The following GRIN2A variants were observed in gnomAD, a reference collection of about 807,000 sequenced individuals.
GRIN2A encodes the protein glutamate ionotropic receptor NMDA type subunit 2A.
Under a neutral mutation model 113.4 loss-of-function variants are expected in GRIN2A, and 22 were observed. That is an observed-to-expected ratio of 0.19 (90% CI 0.14 to 0.28). The LOEUF (loss-of-function observed/expected upper bound fraction) is 0.28, where lower values mean the gene tolerates loss of function less well. Ranked by LOEUF, GRIN2A falls within the 10% of genes least tolerant of loss-of-function variation. GRIN2A has a pLI of 1.00. For synonymous variants in GRIN2A, 827 were observed against 738.4 expected (o/e 1.12, Z -1.94); for missense variants, 1,502 against 1,887.0 (o/e 0.80, Z 3.78).
intron 2 of GRIN2A, among the ~76,000 whole-genome samples, chr16:10,123,476 A>T (rs2048871061): frequency 6.6e-6 from 1 of 152,172 alleles, no homozygotes; most frequent in African/African-American, 2.4e-5. Context: ...CAAGATACTG[A>T]AGTCGCACGT....
intron 4 of GRIN2A, among the ~76,000 whole-genome samples, chr16:9,883,639 C>T (rs543734961): frequency 6.0e-4 from 91 of 152,188 alleles, no homozygotes; most frequent in African/African-American, 2.0e-3. Context: ...TGTTGGGGTA[C>T]GGGCGAATAA....
chr16:9,759,101 G>C lies in GRIN2A; in HGVS notation c.*4048C>G, dbSNP rs1900473666. 4.6e-6 allele frequency: 1 copy of C among 218,352 alleles called. No homozygotes were observed. Among genetic ancestry groups the C allele is most frequent in the Non-Finnish European group, 9.2e-6 (1 of 108,900 alleles). The allele number at this position is 218,352 out of a possible 1,614,324, so 13.5% of individuals were successfully genotyped here. A position where few individuals can be genotyped will look rare whatever the true frequency, so the allele number is the denominator to read the frequency against. On this transcript the variant is annotated 3_prime_UTR_variant, in exon 13 of 13. Coordinates refer to ENST00000330684, the MANE Select transcript of GRIN2A (RefSeq NM_001134407.3). ...AGCTATGCACAAAGAAACAGTACAG[G>C]AATGTGCATAATGTTAACGAATATA... is the stretch of plus-strand genomic sequence containing the variant.
intron 12 of GRIN2A, among the ~76,000 whole-genome samples, chr16:9,765,731 A>G (rs751807604): frequency 7.9e-5 from 12 of 152,112 alleles, no homozygotes; most frequent in African/African-American, 1.9e-4. Context: ...AATCGACTCA[A>G]TCTATTCCTT....
intron 10 of GRIN2A, among the ~76,000 whole-genome samples, chr16:9,810,024 C>T (rs1407872451): frequency 2.0e-5 from 3 of 151,984 alleles, no homozygotes; most frequent in East Asian, 1.9e-4. Context: ...GCCGAGATCG[C>T]GCCGTTGCAC....
chr16:10,064,145 A>G (rs987513283), intron 2 of GRIN2A, among the ~76,000 whole-genome samples: 3 of 152,174 alleles, frequency 2.0e-5, no homozygotes, highest in African/African-American at 7.2e-5. Flanking sequence ...AATTGAACTG[A>G]CTTTGTTGGT....
intron 3 of GRIN2A, among the ~76,000 whole-genome samples, chr16:9,924,845 A>ATATC (rs2044426099): frequency 6.6e-6 from 1 of 152,142 alleles, no homozygotes; most frequent in South Asian, 2.1e-4. Flanking sequence ...TGTAGATTTT[A>ATATC]TATCTAGTAG....
intron 5 of GRIN2A, among the ~76,000 whole-genome samples, chr16:9,844,803 G>A (rs954602927): frequency 6.6e-6 from 1 of 152,158 alleles, no homozygotes; most frequent in South Asian, 2.1e-4. Flanking sequence ...TGACAGCATG[G>A]CCATTTCTCG....
intron 2 of GRIN2A, among the ~76,000 whole-genome samples, chr16:10,136,520 C>G (rs979477774): frequency 2.0e-5 from 3 of 152,092 alleles, no homozygotes; most frequent in Admixed American, 6.6e-5. Context: ...TGGTGTTAAA[C>G]AAGGACTAAA....
chr16:10,098,485 C>T (rs1443128696), intron 2 of GRIN2A, among the ~76,000 whole-genome samples: 1 of 152,126 alleles, frequency 6.6e-6, no homozygotes, highest in African/African-American at 2.4e-5. Flanking sequence ...GTCATTATAC[C>T]AAAAAGACAT....
At chr16:9,805,417 T>C (rs948756206) in intron 10 of GRIN2A, 2 of 152,214 alleles carry the variant, frequency 1.3e-5, no homozygotes, top group Non-Finnish European at 2.9e-5. Context: ...CACATGAGTG[T>C]GTGTGTGTGT....
intron 3 of GRIN2A, among the ~76,000 whole-genome samples, chr16:9,898,054 C>CT (rs71402414): frequency 0.31 from 33,907 of 109,642 alleles, 5,956 homozygotes; most frequent in East Asian, 0.63. Context: ...CCTCCATTTC[C>CT]TTTTTTTTTT....
At chr16:9,853,755 G>A (rs2042922760) in intron 4 of GRIN2A, among the ~76,000 whole-genome samples, 2 of 152,008 alleles carry the variant, frequency 1.3e-5, no homozygotes, top group Admixed American at 1.3e-4. Flanking sequence ...ATGTTCAAAT[G>A]TATTTAAGAG....
intron 3 of GRIN2A, among the ~76,000 whole-genome samples, chr16:9,905,721 T>G (rs1596565761): frequency 6.6e-6 from 1 of 152,124 alleles, no homozygotes; most frequent in African/African-American, 2.4e-5. Flanking sequence ...TCAGAACACT[T>G]ATTTGTTTCC....
At chr16:10,036,752 ATTTT>A (rs1219518201) in intron 2 of GRIN2A, among the ~76,000 whole-genome samples, 1 of 151,290 alleles carries the variant, frequency 6.6e-6, no homozygotes, top group Non-Finnish European at 1.5e-5. Flanking sequence ...GGCCAGTATT[ATTTT>A]TTTTAAGATT....
At position 9,758,782 on chromosome 16, in the gene GRIN2A, G is replaced by A. The variant is rs371343496; in HGVS notation, c.*4367C>T. The A allele has an allele frequency of 4.7e-6, 1 of 213,746 alleles. No individual in the cohort carries two copies. The highest frequency in any genetic ancestry group is 9.5e-6 in the Non-Finnish European group (1 of 105,798). The allele number at this position is 213,746 out of a possible 1,614,324, so 13.2% of individuals were successfully genotyped here. On this transcript the variant is annotated 3_prime_UTR_variant, in exon 13 of 13. Coordinates refer to ENST00000330684, the MANE Select transcript of GRIN2A (RefSeq NM_001134407.3). Reference sequence around the variant, plus strand: ...ATGGGAAACAGTAACTGCATATTGGGAGAACTTTTCAAGTATAGACCCCAC... The same window carrying A: ...ATGGGAAACAGTAACTGCATATTGGAAGAACTTTTCAAGTATAGACCCCAC...
intron 2 of GRIN2A, among the ~76,000 whole-genome samples, chr16:10,029,436 C>T (rs2046888349): frequency 6.6e-6 from 1 of 152,096 alleles, no homozygotes; most frequent in Non-Finnish European, 1.5e-5. Flanking sequence ...TCAGGTGATC[C>T]TCCCGCCTCG....
chr16:9,765,313 A>T (rs1030145990), intron 12 of GRIN2A, among the ~76,000 whole-genome samples: 1 of 152,208 alleles, frequency 6.6e-6, no homozygotes, highest in Non-Finnish European at 1.5e-5. Flanking sequence ...CCAAGCTTTC[A>T]TTAAAGTTTC....
At chr16:10,075,162 A>G (rs370170409) in intron 2 of GRIN2A, among the ~76,000 whole-genome samples, 1 of 152,082 alleles carries the variant, frequency 6.6e-6, no homozygotes, top group African/African-American at 2.4e-5. Context: ...ATGTCGGGGA[A>G]TATAATGGTA....
rs769438337 is a variant in GRIN2A at position 9,763,716 on chromosome 16, G to A, written c.3828C>T (p.Ala1276=). The A allele has an allele frequency of 1.9e-6, 3 of 1,614,062 alleles. No homozygotes were observed. Among genetic ancestry groups the A allele is most frequent in the South Asian group, 1.1e-5 (1 of 91,066 alleles). ...VYQQDWAQNN[A]LQLQKNKLRI... is the part of the protein sequence containing the mutation. The stretch of plus-strand genomic sequence containing the variant: ...TTAGCTTGTTCTTTTGTAATTGAAG[G>A]GCATTGTTCTGTGCCCAGTCCTGCT... The change falls in exon 13 of 13, where the codon GCC becomes GCT. Residue 1276 remains alanine (A), a synonymous_variant. Transcript: ENST00000330684.
Sources: allele counts gnomAD v4.1 joint callset (sites outside exome capture counted in the v4.1 genomes callset), GRCh38; gene constraint gnomAD v4.1.1; transcripts MANE v1.5; gene names NCBI Gene and HGNC (gene_info 2026-07-23, HGNC 2026-07-21).